PLXNA4: variants seen among roughly 807,000 people sequenced by gnomAD.
PLXNA4 encodes plexin A4, also known as plexin-A4.
In PLXNA4, 44 loss-of-function variants were observed where a neutral mutation model predicts 191.8. The ratio of observed to expected loss-of-function variants is 0.23; its 90% CI spans 0.18 to 0.29. PLXNA4 has a LOEUF of 0.29. Ranked by LOEUF, PLXNA4 falls within the 10% of genes least tolerant of loss-of-function variation. The pLI is 1.00. For synonymous variants in PLXNA4, 1,082 were observed against 1,009.5 expected (o/e 1.07, Z -1.36); for missense variants, 1,800 against 2,488.8 (o/e 0.72, Z 5.89).
intron 23 of PLXNA4, 64 bp from the exon 24 acceptor site, chr7:132,164,352 T>C (rs1249205401): frequency 1.5e-5 from 23 of 1,583,998 alleles, no homozygotes; most frequent in Non-Finnish European, 1.9e-5. Context: ...CCCCAGTCCC[T>C]GCTTCTCCAA....
intron 20 of PLXNA4, among the ~76,000 whole-genome samples, chr7:132,178,227 C>A (rs897668205): frequency 6.6e-6 from 1 of 152,146 alleles, no homozygotes; most frequent in African/African-American, 2.4e-5. Flanking sequence ...TGTTAAGACA[C>A]CCCCAGACCT....
intron 3 of PLXNA4, among the ~76,000 whole-genome samples, chr7:132,435,761 C>T (rs1795447884): frequency 6.6e-6 from 1 of 152,184 alleles, no homozygotes; most frequent in South Asian, 2.1e-4. Context: ...AGCACGTCCA[C>T]TGAGCCCATC....
intron 13 of PLXNA4, among the ~76,000 whole-genome samples, chr7:132,195,555 C>A (rs1797229637): frequency 6.6e-6 from 1 of 152,186 alleles, no homozygotes. Flanking sequence ...CTGGACCATG[C>A]ACTTCTATTG....
At chr7:132,188,093 T>G (rs973413880) in intron 14 of PLXNA4, among the ~76,000 whole-genome samples, 2 of 151,826 alleles carry the variant, frequency 1.3e-5, no homozygotes, top group African/African-American at 4.8e-5. Context: ...GCTCTGTTCT[T>G]GGGTGGTAAA....
Position 132,159,578 on chromosome 7 carries a change from T to A in PLXNA4, c.4555A>T (p.Ile1519Phe). ...NANSPEVPVK[I>F]LNCDTITQVK... ...TGAGTGATGGTGTCACAGTTGAGGATCTTTACTGGGACCTCGGGGCTGTTG... is the reference window on the plus strand; with the variant it reads ...TGAGTGATGGTGTCACAGTTGAGGAACTTTACTGGGACCTCGGGGCTGTTG... The change falls in exon 25 of 32, where the codon ATC (isoleucine) becomes TTC (phenylalanine). Residue 1519 changes from isoleucine to phenylalanine, a missense_variant. By Grantham distance (21) the Ile-to-Phe change is conservative. Around this residue, in one of 6 missense-constraint regions of PLXNA4, gnomAD observed 214 missense variants for 298.2 expected, o/e 0.72. Coordinates refer to ENST00000321063, the MANE Select transcript of PLXNA4 (RefSeq NM_020911.2). 1 of 1,614,076 alleles carries A rather than the reference T, an allele frequency of 6.2e-7. No individual in the cohort carries two copies. Among genetic ancestry groups the A allele is most frequent in the Non-Finnish European group, 8.5e-7 (1 of 1,180,028 alleles).
At chr7:132,579,957 C>T (rs943976071), upstream of PLXNA4, among the ~76,000 whole-genome samples, 2 of 152,022 alleles carry the variant, frequency 1.3e-5, no homozygotes, top group African/African-American at 4.8e-5. Context: ...TGAGTAGGGC[C>T]TCTACATTGG....
At chr7:132,291,031 C>T (rs1282853979) in intron 4 of PLXNA4, among the ~76,000 whole-genome samples, 2 of 152,216 alleles carry the variant, frequency 1.3e-5, no homozygotes, top group African/African-American at 4.8e-5. Context: ...TTTACTAAAT[C>T]CCCATTTCAC....
intron 2 of PLXNA4, among the ~76,000 whole-genome samples, chr7:132,602,257 C>G (rs1419747038): frequency 6.6e-6 from 1 of 152,186 alleles, no homozygotes; most frequent in African/African-American, 2.4e-5. Context: ...GGCTAATGAG[C>G]TTGACTCTCA....
intron 2 of PLXNA4, among the ~76,000 whole-genome samples, chr7:132,630,060 C>T (rs1321033993): frequency 6.6e-6 from 1 of 152,142 alleles, no homozygotes; most frequent in Non-Finnish European, 1.5e-5. Flanking sequence ...CTGTGTTAGC[C>T]AGGATGGTCT....
At chr7:132,516,299 A>G (rs1441824348) in intron 1 of PLXNA4, among the ~76,000 whole-genome samples, 1 of 151,614 alleles carries the variant, frequency 6.6e-6, no homozygotes, top group Non-Finnish European at 1.5e-5. Flanking sequence ...AATTTTTATT[A>G]GGACATGAGT....
chr7:132,392,961 G>A (rs989001815), intron 3 of PLXNA4, among the ~76,000 whole-genome samples: 23 of 152,112 alleles, frequency 1.5e-4, no homozygotes, highest in South Asian at 4.1e-4. Context: ...GACCTCCTCC[G>A]GTTGGCACGA....
intron 17 of PLXNA4, 60 bp downstream of exon 17, chr7:132,182,037 T>A: frequency 3.1e-6 from 5 of 1,612,304 alleles, no homozygotes; most frequent in Non-Finnish European, 4.2e-6. Context: ...ACCCACACCC[T>A]TTGGGGAAGC....
rs527782554 is a variant in PLXNA4, at chr7:132,585,976, C to T, written c.-87+59952G>A. Reference sequence around the variant, plus strand: ...TGGTTAGGCTGGTGTTGCTCTCTAACTCAACAAGGCTGTGAGGCTTTTATA... The same window carrying T: ...TGGTTAGGCTGGTGTTGCTCTCTAATTCAACAAGGCTGTGAGGCTTTTATA... On this transcript the variant is annotated intron_variant, in intron 2 of 4. Coordinates refer to the PLXNA4 transcript ENST00000378539. Among the ~76,000 whole-genome samples the T allele has an allele frequency of 1.3e-5, 2 of 152,352 alleles. 1 individual carries two copies. Among genetic ancestry groups the T allele is most frequent in the African/African-American group, 4.8e-5 (2 of 41,582 alleles).
At chr7:132,636,840 C>G (rs996008623) in intron 2 of PLXNA4, among the ~76,000 whole-genome samples, 3 of 152,150 alleles carry the variant, frequency 2.0e-5, no homozygotes, top group Non-Finnish European at 2.9e-5. Context: ...TTGTGCAAAC[C>G]CAAGCCAACC....
chr7:132,176,241 C>T (rs954918345), intron 20 of PLXNA4, among the ~76,000 whole-genome samples: 18 of 152,204 alleles, frequency 1.2e-4, no homozygotes, highest in African/African-American at 3.4e-4. Flanking sequence ...GCTCCTCTCT[C>T]CCTGCACCCC....
rs531641472 is a variant in PLXNA4 at position 132,356,380 on chromosome 7, G to A, written c.1372-58158C>T. On this transcript the variant is annotated intron_variant, in intron 3 of 31. Transcript: ENST00000321063. ...TAACCACAGTAAACATTGCTGAGCC[G>A]TTTATAAACAGTGATGTTCAAGATG... Among the ~76,000 whole-genome samples, 35 of 152,312 alleles carry A rather than the reference G, an allele frequency of 2.3e-4. No homozygotes were observed. The South Asian group carries it at 3.7e-3, about 16-fold the overall frequency.
In PLXNA4 at chr7:132,124,662, T is replaced by TAA. The variant is rs1345753851; in HGVS notation, c.*5815_*5816dup. 6.6e-6 allele frequency: 1 copy of TAA among 152,172 alleles called. No individual in the cohort carries two copies. Among genetic ancestry groups the TAA allele is most frequent in the African/African-American group, 2.4e-5 (1 of 41,430 alleles). The allele number at this position is 152,172 out of a possible 1,614,324, so 9.4% of individuals were successfully genotyped here. A position where few individuals can be genotyped will look rare whatever the true frequency, so the allele number is the denominator to read the frequency against. On this transcript the variant is annotated 3_prime_UTR_variant, in exon 32 of 32. Coordinates refer to ENST00000321063, the MANE Select transcript of PLXNA4 (RefSeq NM_020911.2). ...TGACCCATCCCTCACAGAGCCTCCT[T>TAA]AAAGTTTGAGGAAAGCTGATAAGAG...
chr7:132,634,295 C>T (rs569811059), intron 2 of PLXNA4, among the ~76,000 whole-genome samples: 111 of 152,250 alleles, frequency 7.3e-4, no homozygotes, highest in Middle Eastern at 3.4e-3. Context: ...AGCAGTTCTC[C>T]TGTCCAGCCC....
intron 4 of PLXNA4, among the ~76,000 whole-genome samples, chr7:132,267,072 G>T (rs1057420230): frequency 3.9e-5 from 6 of 152,276 alleles, no homozygotes; most frequent in East Asian, 3.9e-4. Context: ...CTGTCGCAAG[G>T]CTTGGGGTCT....
Sources: allele counts gnomAD v4.1 joint callset (sites outside exome capture counted in the v4.1 genomes callset), GRCh38; gene constraint gnomAD v4.1.1; regional missense constraint gnomAD v4.1.1; transcripts MANE v1.5; gene names NCBI Gene and HGNC (gene_info 2026-07-23, HGNC 2026-07-21).